Variants in ASTN2 observed in about 807,000 individuals in gnomAD.
The protein encoded by ASTN2 is astrotactin-2.
A neutral mutation model predicts 139.8 loss-of-function variants in ASTN2; 54 were observed. The ratio of observed to expected loss-of-function variants is 0.39; its 90% confidence interval spans 0.31 to 0.48. The LOEUF (loss-of-function observed/expected upper bound fraction) is 0.48, where lower values mean the gene tolerates loss of function less well. ASTN2 is among the 20% of genes least tolerant of loss of function. The probability of loss-of-function intolerance (pLI) is 0.95; values close to 1 mark genes in which losing one functional copy is unlikely to be tolerated. For synonymous variants in ASTN2, 756 were observed against 719.5 expected (o/e 1.05, Z -0.81); for missense variants, 1,565 against 1,725.1 (o/e 0.91, Z 1.64).
At chr9:117,374,733 T>C (rs1830077035) in intron 1 of ASTN2, among the ~76,000 whole-genome samples, 1 of 152,144 alleles carries the variant, frequency 6.6e-6, no homozygotes, top group African/African-American at 2.4e-5. Context: ...TAAAGCCTCA[T>C]TTTGAGACCT....
At chr9:116,879,518 TC>T (rs1228508226) in intron 10 of ASTN2, among the ~76,000 whole-genome samples, 2 of 152,152 alleles carry the variant, frequency 1.3e-5, no homozygotes, top group African/African-American at 4.8e-5. Context: ...AGTCTCAGTT[TC>T]CTCATACATA....
At chr9:116,498,252 T>G (rs1425948995) in intron 19 of ASTN2, among the ~76,000 whole-genome samples, 1 of 152,142 alleles carries the variant, frequency 6.6e-6, no homozygotes, top group Non-Finnish European at 1.5e-5. Context: ...TTAATTGCTC[T>G]GTCTCTGTGA....
At chr9:117,062,066 A>T (rs1839310021) in intron 5 of ASTN2, among the ~76,000 whole-genome samples, 1 of 152,168 alleles carries the variant, frequency 6.6e-6, no homozygotes. Context: ...GCAAGGTTTG[A>T]ATTTGAAGGA....
intron 7 of ASTN2, among the ~76,000 whole-genome samples, chr9:116,998,548 T>TCCA (rs1837086203): frequency 7.0e-6 from 1 of 143,518 alleles, no homozygotes; most frequent in South Asian, 2.3e-4. Context: ...AAATTTGATT[T>TCCA]TCATCCATCC....
chr9:116,704,907 C>T (rs1181712955), intron 16 of ASTN2, among the ~76,000 whole-genome samples: 3 of 152,074 alleles, frequency 2.0e-5, no homozygotes, highest in Non-Finnish European at 2.9e-5. Context: ...ATATGTAGTA[C>T]ATACATCTAA....
intron 10 of ASTN2, among the ~76,000 whole-genome samples, chr9:116,869,801 G>C (rs907911466): frequency 3.3e-5 from 5 of 152,116 alleles, no homozygotes; most frequent in African/African-American, 1.2e-4. Flanking sequence ...ATGTAGCTAT[G>C]TTTCAATAAA....
intron 11 of ASTN2, among the ~76,000 whole-genome samples, chr9:116,851,481 T>G (rs1351776172): frequency 2.5e-5 from 2 of 80,378 alleles, no homozygotes; most frequent in Non-Finnish European, 5.4e-5. Flanking sequence ...CATCTATCTA[T>G]CTATCTATCT....
chr9:117,226,528 C>A (rs1431543832), intron 2 of ASTN2, among the ~76,000 whole-genome samples: 1 of 152,152 alleles, frequency 6.6e-6, no homozygotes. Flanking sequence ...AAATCCCAGT[C>A]CTTACCTTAC....
intron 1 of ASTN2, among the ~76,000 whole-genome samples, chr9:117,396,307 G>A (rs1385292168): frequency 6.6e-6 from 1 of 152,126 alleles, no homozygotes; most frequent in African/African-American, 2.4e-5. Context: ...AGATGAGCCT[G>A]CGTTTCATGT....
intron 16 of ASTN2, among the ~76,000 whole-genome samples, chr9:116,722,213 G>GCTCT (rs1828491333): frequency 1.3e-5 from 2 of 152,128 alleles, no homozygotes; most frequent in African/African-American, 4.8e-5. Context: ...TAGGAACAGA[G>GCTCT]CCTATATCTT....
chr9:116,504,426 T>C (rs1017358671), intron 19 of ASTN2: 5 of 152,088 alleles, frequency 3.3e-5, no homozygotes, highest in African/African-American at 1.2e-4. Context: ...CTTTCTGAGG[T>C]CTAAGAAGAA....
chr9:117,026,282 T>A (rs1232402106), intron 6 of ASTN2, among the ~76,000 whole-genome samples: 2 of 152,116 alleles, frequency 1.3e-5, no homozygotes, highest in Non-Finnish European at 2.9e-5. Context: ...AACAGTCTAA[T>A]TTCTGGTGTT....
At chr9:116,546,017 C>T (rs1180575908) in intron 19 of ASTN2, 2 of 152,188 alleles carry the variant, frequency 1.3e-5, no homozygotes, top group Non-Finnish European at 2.9e-5. Flanking sequence ...CTCCTGACTT[C>T]CAAGTGAACA....
At chr9:116,836,950 A>G (rs1588336518) in intron 11 of ASTN2, among the ~76,000 whole-genome samples, 1 of 152,244 alleles carries the variant, frequency 6.6e-6, no homozygotes, top group South Asian at 2.1e-4. Flanking sequence ...GAAAGCCTAA[A>G]ATATTTACTA....
Position 116,839,878 on chromosome 9 carries a change from ATTATTT to A in ASTN2, c.2041-19101_2041-19096del, listed in dbSNP as rs887912032. On this transcript the variant is annotated intron_variant, in intron 11 of 22. Coordinates refer to ENST00000313400, the MANE Select transcript of ASTN2 (RefSeq NM_001365068.1). ...TTATTTCATTATTATTATTATTATT[ATTATTT>A]TTTTTTTTTTAATTGATCATTCTTG... Among the ~76,000 whole-genome samples the A allele has an allele frequency of 3.3e-4, 35 of 104,774 alleles. No homozygotes were observed. The East Asian group carries it at 5.9e-3, about 18-fold the overall frequency. The allele number at this position is 104,774 out of a possible 152,430, so 68.7% of individuals were successfully genotyped here. A position where few individuals can be genotyped will look rare whatever the true frequency, so the allele number is the denominator to read the frequency against.
At chr9:116,745,057 T>G (rs1337612891) in intron 13 of ASTN2, among the ~76,000 whole-genome samples, 1 of 152,212 alleles carries the variant, frequency 6.6e-6, no homozygotes, top group Non-Finnish European at 1.5e-5. Context: ...GTTGCTTTAC[T>G]GGCCTATCCA....
At chr9:116,489,338 T>A (rs1849439266) in intron 19 of ASTN2, among the ~76,000 whole-genome samples, 1 of 152,068 alleles carries the variant, frequency 6.6e-6, no homozygotes, top group Admixed American at 6.5e-5. Context: ...TTTTTTAATT[T>A]TAATTTTAAT....
At chr9:117,119,213 C>T (rs1259532380) in intron 4 of ASTN2, among the ~76,000 whole-genome samples, 1 of 152,186 alleles carries the variant, frequency 6.6e-6, no homozygotes, top group Non-Finnish European at 1.5e-5. Context: ...AAAGGATTTA[C>T]ATGCAGGTTT....
intron 13 of ASTN2, among the ~76,000 whole-genome samples, chr9:116,744,396 G>A (rs1829179794): frequency 6.6e-6 from 1 of 152,128 alleles, no homozygotes; most frequent in Non-Finnish European, 1.5e-5. Flanking sequence ...GTATTCAGCA[G>A]GAAAGCAAAA....
Sources: gnomAD v4.1 joint callset for allele counts (sites outside exome capture counted in the v4.1 genomes callset) on GRCh38, gnomAD v4.1.1 for gene constraint, MANE v1.5 for transcripts, NCBI Gene and HGNC (gene_info 2026-07-23, HGNC 2026-07-21) for gene names.